Variants in MYOM1 observed in about 807,000 individuals in gnomAD.
MYOM1 encodes the protein myomesin-1.
In MYOM1, 164 loss-of-function variants were observed where a neutral mutation model predicts 205.3. The observed-to-expected ratio is 0.80, with a 90% CI of 0.70 to 0.91. The LOEUF (loss-of-function observed/expected upper bound fraction) is 0.91, where lower values mean the gene tolerates loss of function less well. Ranked by LOEUF, MYOM1 falls within the 40% of genes least tolerant of loss-of-function variation. The probability of loss-of-function intolerance (pLI) is 0.00; values close to 1 mark genes in which losing one functional copy is unlikely to be tolerated. For synonymous variants in MYOM1, 772 were observed against 789.4 expected, an observed-to-expected ratio of 0.98 and a Z score of 0.37; for missense variants, 2,011 against 2,127.3, an observed-to-expected ratio of 0.95 and a Z score of 1.08.
intron 2 of MYOM1, among the ~76,000 whole-genome samples, chr18:3,207,240 G>T (rs1168054761): frequency 2.6e-5 from 4 of 152,098 alleles, no homozygotes; most frequent in Admixed American, 1.3e-4. Flanking sequence ...ATCTCTTATG[G>T]TTCTTGTCTA....
chr18:3,187,909 C>A (rs1393313933), intron 4 of MYOM1, among the ~76,000 whole-genome samples: 11 of 146,990 alleles, frequency 7.5e-5, no homozygotes, highest in African/African-American at 2.8e-4. Context: ...GTGCAACCTG[C>A]ATCACTGCAG....
At position 3,112,295 on chromosome 18, in the gene MYOM1, C is replaced by G; in HGVS notation, c.3418+3G>C. ...TAGTTTTAATGAAAAGGTGAAAGCC[C>G]ACCTGGACGGGTCTCTGCCACAACA... On this transcript the variant is annotated splice_donor_region_variant and intron_variant, in intron 22 of 37. Transcript: ENST00000356443. The G allele has an allele frequency of 6.2e-7, 1 of 1,612,766 alleles. No homozygotes were observed. Among genetic ancestry groups the G allele is most frequent in the Non-Finnish European group, 8.5e-7 (1 of 1,178,970 alleles).
In MYOM1 at chr18:3,086,041, T is replaced by C; in HGVS notation, c.4248A>G (p.Thr1416=). ...TTTTACATTTATAATCGCCTACCTC[T>C]GTTATAAGCAGGGTACATATACCAT... is the stretch of plus-strand genomic sequence containing the variant. The part of the protein sequence containing the change: ...FKDGICTLLI[T]EFSKKDAGIY... The change falls in exon 30 of 38, where the codon ACA becomes ACG. Residue 1416 remains threonine, a synonymous_variant. Transcript: ENST00000356443. The C allele has an allele frequency of 6.3e-7, 1 of 1,584,716 alleles. No homozygotes were observed. The highest frequency in any genetic ancestry group is 8.6e-7 in the Non-Finnish European group (1 of 1,156,662).
chr18:3,110,135 ATTCT>A (rs1392171086), intron 22 of MYOM1, among the ~76,000 whole-genome samples: 1 of 152,232 alleles, frequency 6.6e-6, no homozygotes, highest in East Asian at 1.9e-4. Context: ...TGATATGATA[ATTCT>A]TTCTCATATA....
chr18:3,131,165 G>A (rs985274916), intron 17 of MYOM1, among the ~76,000 whole-genome samples: 5 of 152,190 alleles, frequency 3.3e-5, no homozygotes, highest in Non-Finnish European at 7.3e-5. Flanking sequence ...AAAAGGCTAT[G>A]GATGCACAGA....
intron 10 of MYOM1, among the ~76,000 whole-genome samples, chr18:3,155,825 C>T (rs573301139): frequency 3.3e-5 from 5 of 152,252 alleles, no homozygotes; most frequent in South Asian, 2.1e-4. Flanking sequence ...CAAGAAAATA[C>T]GAGTCATAGA....
At chr18:3,211,577 A>T (rs2081191022) in intron 2 of MYOM1, among the ~76,000 whole-genome samples, 1 of 152,226 alleles carries the variant, frequency 6.6e-6, no homozygotes, top group Non-Finnish European at 1.5e-5. Context: ...ATATTTTGTT[A>T]TTATTAGCAT....
chr18:3,197,765 C>CT (rs1415229560), intron 2 of MYOM1, among the ~76,000 whole-genome samples: 2 of 151,778 alleles, frequency 1.3e-5, no homozygotes, highest in Non-Finnish European at 2.9e-5. Flanking sequence ...CCCAGCTACT[C>CT]GGGAGGCTGA....
intron 5 of MYOM1, among the ~76,000 whole-genome samples, chr18:3,181,900 ATTTTTGTAC>A (rs771658690): frequency 3.3e-5 from 5 of 151,830 alleles, no homozygotes; most frequent in Non-Finnish European, 5.9e-5. Context: ...CACCCGGCTA[ATTTTTGTAC>A]TTTTAGTACA....
At chr18:3,141,633 TTG>T (rs1313467278) in intron 14 of MYOM1, among the ~76,000 whole-genome samples, 1 of 152,174 alleles carries the variant, frequency 6.6e-6, no homozygotes, top group Admixed American at 6.5e-5. Flanking sequence ...CTAGAAAACA[TTG>T]TCATACAGGC....
Position 3,164,536 on chromosome 18 carries a change from GA to G in MYOM1, c.1340-98del, listed in dbSNP as rs1253038253. The G allele has an allele frequency of 3.4e-6, 4 of 1,181,240 alleles. No homozygotes were observed. The African/African-American group carries it at 4.7e-5, about 14-fold the overall frequency. The allele number at this position is 1,181,240 out of a possible 1,614,324, so 73.2% of individuals were successfully genotyped here. A position where few individuals can be genotyped will look rare whatever the true frequency, so the allele number is the denominator to read the frequency against. ...TCCTCTCCTTAGCCTTTTCTATAATGAAAGTAATTTAACTACTAGAGGAAGT... is the reference window on the plus strand; with the variant it reads ...TCCTCTCCTTAGCCTTTTCTATAATGAAGTAATTTAACTACTAGAGGAAGT... On this transcript the variant is annotated intron_variant, in intron 9 of 37. Coordinates refer to ENST00000356443, the MANE Select transcript of MYOM1 (RefSeq NM_003803.4).
chr18:3,121,950 T>C (rs1016473020), intron 19 of MYOM1, among the ~76,000 whole-genome samples: 2 of 151,954 alleles, frequency 1.3e-5, no homozygotes, highest in Non-Finnish European at 2.9e-5. Context: ...GAAACCCTGT[T>C]TCTTCTAAAA....
chr18:3,198,721 T>A (rs1006477573), intron 2 of MYOM1, among the ~76,000 whole-genome samples: 1 of 150,818 alleles, frequency 6.6e-6, no homozygotes, highest in African/African-American at 2.4e-5. Flanking sequence ...AGAGGGAGGT[T>A]GCAGTGAGCC....
intron 36 of MYOM1, 90 bp from the exon 37 acceptor site, chr18:3,071,979 T>G: frequency 9.0e-7 from 1 of 1,105,276 alleles, no homozygotes; most frequent in South Asian, 1.3e-5. Flanking sequence ...CATTTCCAAT[T>G]TAGTTTCCTT....
intron 22 of MYOM1, among the ~76,000 whole-genome samples, chr18:3,106,413 T>C (rs1314242908): frequency 3.9e-5 from 6 of 152,242 alleles, no homozygotes; most frequent in African/African-American, 1.2e-4. Flanking sequence ...CTTCAACCTA[T>C]GAGTCGTACA....
Position 3,119,957 on chromosome 18 carries a change from T to C in MYOM1, c.3030A>G (p.Gln1010=), listed in dbSNP as rs751973923. The part of the protein sequence containing the change: ...NLKENMVYQF[Q]VAAMNMAGLG... ...GCCCAGCCATGTTCATGGCTGCCAC[T>C]TGGAACTGATACACCATGTTTTCCT... Residue 1010 remains glutamine (Q), a synonymous_variant, in exon 20 of 38, where the codon CAA becomes CAG. Transcript: ENST00000356443. 2.5e-6 allele frequency: 4 copies of C among 1,609,034 alleles called. No individual in the cohort carries two copies. Among genetic ancestry groups the C allele is most frequent in the Middle Eastern group, 1.7e-4 (1 of 5,990 alleles).
intron 26 of MYOM1, among the ~76,000 whole-genome samples, chr18:3,092,344 C>T (rs775519579): frequency 5.9e-5 from 9 of 152,180 alleles, no homozygotes; most frequent in Non-Finnish European, 1.2e-4. Flanking sequence ...GCACACACCA[C>T]TATGCCTCAC....
intron 3 of MYOM1, among the ~76,000 whole-genome samples, chr18:3,193,361 T>TATACACACAC (rs904418275): frequency 1.5e-5 from 2 of 135,882 alleles, no homozygotes; most frequent in African/African-American, 6.0e-5. Flanking sequence ...TATATATATA[T>TATACACACAC]ACACACACAC....
chr18:3,215,176 G>T lies in MYOM1; in HGVS notation c.48C>A (p.Ser16Arg). The T allele has an allele frequency of 2.5e-6, 4 of 1,613,408 alleles. No homozygotes were observed. Among genetic ancestry groups the T allele is most frequent in the Non-Finnish European group, 3.4e-6 (4 of 1,179,670 alleles). Reference sequence around the variant, plus strand: ...TGCTGCGCACGTCCTTGTTGCGGTAGCTGAGATCATAGTGCTGGTGGCACC... The same window carrying T: ...TGCTGCGCACGTCCTTGTTGCGGTATCTGAGATCATAGTGCTGGTGGCACC... ...YQRCHQHYDL[S>R]YRNKDVRSTV... Residue 16 changes from serine to arginine, a missense_variant, in exon 2 of 38, where the codon AGC becomes AGA. Ser to Arg is a moderately radical substitution (Grantham distance 110, BLOSUM62 -1). Coordinates refer to ENST00000356443, the MANE Select transcript of MYOM1 (RefSeq NM_003803.4).
Sources: allele counts gnomAD v4.1 joint callset (sites outside exome capture counted in the v4.1 genomes callset), GRCh38; gene constraint gnomAD v4.1.1; transcripts MANE v1.5; gene names NCBI Gene and HGNC (gene_info 2026-07-23, HGNC 2026-07-21).